NDUFAF6: variants seen among roughly 807,000 people sequenced by gnomAD.
NDUFAF6 encodes the protein NADH:ubiquinone oxidoreductase complex assembly factor 6.
In NDUFAF6, 45 loss-of-function variants were observed where a neutral mutation model predicts 40.8. That is an observed-to-expected ratio of 1.10 (90% CI 0.87 to 1.42). The LOEUF is 1.42. Among genes scored for constraint, NDUFAF6 ranks in the 40% most tolerant of loss-of-function variants. The probability of loss-of-function intolerance (pLI) is 0.00; values close to 1 mark genes in which losing one functional copy is unlikely to be tolerated. For synonymous variants in NDUFAF6, 185 were observed against 155.9 expected, an observed-to-expected ratio of 1.19 and a Z score of -1.39; for missense variants, 435 against 418.5, an observed-to-expected ratio of 1.04 and a Z score of -0.34.
chr8:94,966,492 G>A (rs952363233), intron 1 of NDUFAF6, among the ~76,000 whole-genome samples: 1 of 152,190 alleles, frequency 6.6e-6, no homozygotes, highest in African/African-American at 2.4e-5. Flanking sequence ...TACTTGGGAG[G>A]CTGAGGTGGG....
intron 2 of NDUFAF6, among the ~76,000 whole-genome samples, chr8:95,090,307 C>T (rs748189474): frequency 6.6e-5 from 10 of 152,192 alleles, no homozygotes; most frequent in Non-Finnish European, 1.3e-4. Flanking sequence ...AGCACGCCTG[C>T]ACCTGTGACT....
At chr8:94,995,200 A>G (rs1826370939) in intron 2 of NDUFAF6, among the ~76,000 whole-genome samples, 1 of 152,232 alleles carries the variant, frequency 6.6e-6, no homozygotes, top group East Asian at 1.9e-4. Flanking sequence ...ACTTTGTGCT[A>G]AGTGATAAAA....
downstream of NDUFAF6, among the ~76,000 whole-genome samples, chr8:95,061,061 T>C (rs527903952): frequency 2.6e-5 from 4 of 151,912 alleles, no homozygotes; most frequent in African/African-American, 9.7e-5. Flanking sequence ...GTTGTTGACG[T>C]TTTTGTGGGG....
At chr8:95,062,161 A>C (rs1053042257), downstream of NDUFAF6, among the ~76,000 whole-genome samples, 1 of 151,970 alleles carries the variant, frequency 6.6e-6, no homozygotes, top group African/African-American at 2.4e-5. Context: ...TGGCTCAAAA[A>C]AAAAAAAAAA....
At chr8:94,906,074 C>T (rs563084121) in intron 1 of NDUFAF6, among the ~76,000 whole-genome samples, 25 of 152,274 alleles carry the variant, frequency 1.6e-4, no homozygotes, top group East Asian at 1.9e-4. Flanking sequence ...ACATCTCACA[C>T]GTGCACGTGA....
At chr8:95,099,966 C>T (rs1358968850), upstream of NDUFAF6, among the ~76,000 whole-genome samples, 1 of 152,184 alleles carries the variant, frequency 6.6e-6, no homozygotes, top group Admixed American at 6.5e-5. Context: ...AGAACATGCG[C>T]AGGTGTGTCT....
chr8:95,113,927 A>ATTCT (rs1292620187), intron 4 of NDUFAF6, among the ~76,000 whole-genome samples: 1 of 146,560 alleles, frequency 6.8e-6, no homozygotes, highest in Non-Finnish European at 1.5e-5. Flanking sequence ...AACACCGCAT[A>ATTCT]TTCTCACTCA....
chr8:95,102,275 C>T (rs1325182203), intron 2 of NDUFAF6, among the ~76,000 whole-genome samples: 1 of 152,194 alleles, frequency 6.6e-6, no homozygotes, highest in African/African-American at 2.4e-5. Flanking sequence ...AAATTACAGG[C>T]AGGAGCCACC....
chr8:95,011,807 AATT>A (rs993051106), intron 2 of NDUFAF6, among the ~76,000 whole-genome samples: 6 of 152,168 alleles, frequency 3.9e-5, no homozygotes, highest in African/African-American at 9.7e-5. Flanking sequence ...TTTAATTAAT[AATT>A]AATTATGTAC....
chr8:94,927,569 A>G (rs1216278927), intron 1 of NDUFAF6: 1 of 152,176 alleles, frequency 6.6e-6, no homozygotes, highest in African/African-American at 2.4e-5. Flanking sequence ...TCCCCACCCA[A>G]TCAACCATAT....
chr8:95,029,430 G>A (rs900057302), intron 1 of NDUFAF6, among the ~76,000 whole-genome samples: 5 of 152,114 alleles, frequency 3.3e-5, no homozygotes, highest in African/African-American at 1.2e-4. Context: ...TTCATTAACT[G>A]CCCTTAATAC....
chr8:95,115,866 G>C (rs1810121411), intron 5 of NDUFAF6: 1 of 152,238 alleles, frequency 6.6e-6, no homozygotes, highest in Non-Finnish European at 1.5e-5. Context: ...CGCCGGGCGC[G>C]GTGGCTCACG....
At chr8:94,999,750 C>CT (rs1199451922) in intron 2 of NDUFAF6, among the ~76,000 whole-genome samples, 1 of 151,974 alleles carries the variant, frequency 6.6e-6, no homozygotes, top group Admixed American at 6.6e-5. Flanking sequence ...CTAGTCATAA[C>CT]TTTCTACATT....
intron 9 of NDUFAF6, among the ~76,000 whole-genome samples, chr8:95,074,648 T>C (rs1271855415): frequency 6.6e-6 from 1 of 152,140 alleles, no homozygotes; most frequent in African/African-American, 2.4e-5. Flanking sequence ...CATTTTGACT[T>C]CCCCCTCCTC....
rs1486456646 is a variant in NDUFAF6 at position 95,029,228 on chromosome 8, CCTTATA to C, written c.198-2762_198-2757del. ...TCCAATGTATTAAAGTAGGTAAGTA[CCTTATA>C]CTTAAGTCATCTTTCCTGGAGTGAA... On this transcript the variant is annotated intron_variant, in intron 1 of 8. Coordinates refer to ENST00000396124, the MANE Select transcript of NDUFAF6 (RefSeq NM_152416.4). 1.4e-4 allele frequency among the ~76,000 whole-genome samples: 21 copies of C among 152,036 alleles called. 1 individual carries two copies. The highest frequency in any genetic ancestry group is 1.3e-4 in the Admixed American group (2 of 15,260).
At chr8:95,095,805 C>T (rs1809443121), upstream of NDUFAF6, among the ~76,000 whole-genome samples, 1 of 151,950 alleles carries the variant, frequency 6.6e-6, no homozygotes. Flanking sequence ...GCTGAGATTA[C>T]AGGCGCCTGC....
intron 1 of NDUFAF6, among the ~76,000 whole-genome samples, chr8:94,915,896 G>A (rs945431002): frequency 6.6e-6 from 1 of 152,220 alleles, no homozygotes; most frequent in African/African-American, 2.4e-5. Flanking sequence ...TGTAGGATAG[G>A]TGGAATTGTA....
chr8:95,088,282 A>C (rs1809115533), intron 2 of NDUFAF6, among the ~76,000 whole-genome samples: 1 of 152,164 alleles, frequency 6.6e-6, no homozygotes, highest in African/African-American at 2.4e-5. Flanking sequence ...AAAGTGACAG[A>C]TATGCCCATT....
rs775820201 is a variant in NDUFAF6, at chr8:95,048,559, G to T, written c.816+1G>T. On this transcript the variant is annotated splice_donor_variant, in intron 7 of 8. Transcript: ENST00000396124. LOFTEE classifies it high-confidence loss of function. ...TCAAGCACACTTGCACCTAAAGCAT[G>T]TAAGTCGGCTTTTTTTTGCCAAATC... The T allele has an allele frequency of 1.9e-6, 3 of 1,612,282 alleles. No individual in the cohort carries two copies. Among genetic ancestry groups the T allele is most frequent in the Non-Finnish European group, 2.5e-6 (3 of 1,178,308 alleles).
Sources: gnomAD v4.1 joint callset for allele counts (sites outside exome capture counted in the v4.1 genomes callset) on GRCh38, gnomAD v4.1.1 for gene constraint, MANE v1.5 for transcripts, NCBI Gene and HGNC (gene_info 2026-07-23, HGNC 2026-07-21) for gene names.